LSAMP: variants seen among roughly 807,000 people sequenced by gnomAD.
LSAMP encodes the protein limbic system-associated membrane protein.
Under a neutral mutation model 38.6 loss-of-function variants are expected in LSAMP, and 7 were observed. The ratio of observed to expected loss-of-function variants is 0.18; its 90% CI spans 0.10 to 0.34. The LOEUF (loss-of-function observed/expected upper bound fraction) is 0.34. LSAMP is among the 10% of genes least tolerant of loss of function. LSAMP has a pLI of 1.00. For synonymous variants in LSAMP, 154 were observed against 166.8 expected (o/e 0.92, Z 0.59); for missense variants, 313 against 420.0 (o/e 0.75, Z 2.23).
intron 3 of LSAMP, among the ~76,000 whole-genome samples, chr3:115,890,407 T>C (rs1425239789): frequency 6.6e-6 from 1 of 151,954 alleles, no homozygotes; most frequent in African/African-American, 2.4e-5. Context: ...TTATCTCTAA[T>C]CTGTCTATTA....
chr3:115,924,382 T>C (rs1267576577), intron 3 of LSAMP, among the ~76,000 whole-genome samples: 1 of 152,198 alleles, frequency 6.6e-6, no homozygotes, highest in Non-Finnish European at 1.5e-5. Flanking sequence ...ATGTCTTTCA[T>C]TAAATTTTAC....
chr3:116,189,724 T>C (rs1213736465), intron 1 of LSAMP, among the ~76,000 whole-genome samples: 1 of 152,178 alleles, frequency 6.6e-6, no homozygotes, highest in Admixed American at 6.5e-5. Context: ...TTTTTAATAA[T>C]TGCAGAACCC....
intron 1 of LSAMP, among the ~76,000 whole-genome samples, chr3:116,288,966 C>G (rs1026707236): frequency 6.6e-6 from 1 of 152,062 alleles, no homozygotes; most frequent in Admixed American, 6.6e-5. Flanking sequence ...CTGTGCTTTC[C>G]CAGTTTTAAA....
intron 6 of LSAMP, among the ~76,000 whole-genome samples, chr3:115,815,849 T>G (rs564781206): frequency 1.3e-5 from 2 of 152,302 alleles, no homozygotes; most frequent in Non-Finnish European, 2.9e-5. Context: ...CCTGTTGCCT[T>G]CAGTGAGGAC....
At chr3:116,054,531 G>C (rs560578166) in intron 2 of LSAMP, among the ~76,000 whole-genome samples, 75 of 152,198 alleles carry the variant, frequency 4.9e-4, no homozygotes, top group Middle Eastern at 6.8e-3. Context: ...AGTGAAATTG[G>C]TCCTATTCAT....
chr3:116,412,069 G>A (rs1301403252), intron 1 of LSAMP, among the ~76,000 whole-genome samples: 2 of 152,146 alleles, frequency 1.3e-5, no homozygotes, highest in East Asian at 3.9e-4. Flanking sequence ...ACCTGTGGTA[G>A]TCCATTATAT....
intron 1 of LSAMP, among the ~76,000 whole-genome samples, chr3:116,197,087 TG>T (rs1443812149): frequency 6.6e-6 from 1 of 151,040 alleles, no homozygotes; most frequent in Non-Finnish European, 1.5e-5. Flanking sequence ...TCTGATAAAA[TG>T]GGGGTCCCCT....
intron 1 of LSAMP, among the ~76,000 whole-genome samples, chr3:116,422,987 T>C (rs934922776): frequency 1.3e-5 from 2 of 152,228 alleles, no homozygotes; most frequent in African/African-American, 4.8e-5. Flanking sequence ...TCAATCAGAA[T>C]GTAAGCCCCG....
At chr3:116,238,506 C>T (rs1305743363) in intron 1 of LSAMP, among the ~76,000 whole-genome samples, 1 of 152,192 alleles carries the variant, frequency 6.6e-6, no homozygotes. Context: ...GCAGACAGCA[C>T]ATTTTGAGTC....
At chr3:116,145,966 T>C (rs150049134) in intron 1 of LSAMP, among the ~76,000 whole-genome samples, 1 of 152,108 alleles carries the variant, frequency 6.6e-6, no homozygotes, top group Non-Finnish European at 1.5e-5. Flanking sequence ...GTATTTATAA[T>C]CTTTATTGCT....
chr3:116,147,594 T>C (rs977988952), intron 1 of LSAMP, among the ~76,000 whole-genome samples: 1 of 151,996 alleles, frequency 6.6e-6, no homozygotes, highest in African/African-American at 2.4e-5. Flanking sequence ...TTTCAAGAAT[T>C]GACAACAGGC....
rs575702249 is a variant in LSAMP, at chr3:116,294,593, T to C, written c.155+150284A>G. Among the ~76,000 whole-genome samples, 13 of 152,354 alleles carry C rather than the reference T, an allele frequency of 8.5e-5. 1 individual carries two copies. The South Asian group carries it at 2.7e-3, about 32-fold the overall frequency. On this transcript the variant is annotated intron_variant, in intron 1 of 6. Coordinates refer to ENST00000490035, the MANE Select transcript of LSAMP (RefSeq NM_002338.5). ...ACTATTCATACAAATTTCAGCATTA[T>C]AGTAATCAGTGTTTCCTATTGTGCC...
intron 2 of LSAMP, among the ~76,000 whole-genome samples, chr3:116,048,091 T>C (rs1941327301): frequency 6.6e-6 from 1 of 152,214 alleles, no homozygotes; most frequent in South Asian, 2.1e-4. Flanking sequence ...AGGCCCTTAC[T>C]AATAAATATC....
intron 3 of LSAMP, among the ~76,000 whole-genome samples, chr3:115,869,702 A>G (rs1935971582): frequency 1.3e-5 from 2 of 152,098 alleles, no homozygotes; most frequent in African/African-American, 4.8e-5. Context: ...ATCATTTTCA[A>G]GAGTCTTTAC....
intron 3 of LSAMP, among the ~76,000 whole-genome samples, chr3:116,007,348 T>C (rs1576302301): frequency 6.6e-6 from 1 of 152,194 alleles, no homozygotes; most frequent in Non-Finnish European, 1.5e-5. Context: ...TGGGGTAATT[T>C]TATTGGCATG....
chr3:116,387,756 A>G (rs2048643652), intron 1 of LSAMP, among the ~76,000 whole-genome samples: 1 of 152,164 alleles, frequency 6.6e-6, no homozygotes. Context: ...ATACATGCAT[A>G]TAGTTGTAGA....
chr3:115,957,323 CAG>C (rs2107587746), intron 3 of LSAMP, among the ~76,000 whole-genome samples: 1 of 152,318 alleles, frequency 6.6e-6, no homozygotes, highest in South Asian at 2.1e-4. Flanking sequence ...TGTTGAAAAA[CAG>C]AGCCTGTTTG....
chr3:116,266,024 T>C (rs1010626740), intron 1 of LSAMP, among the ~76,000 whole-genome samples: 1 of 152,212 alleles, frequency 6.6e-6, no homozygotes, highest in Admixed American at 6.5e-5. Context: ...TTGACTTTTT[T>C]TTAACAGAAG....
intron 3 of LSAMP, among the ~76,000 whole-genome samples, chr3:115,909,555 G>T (rs1937089886): frequency 6.6e-6 from 1 of 152,122 alleles, no homozygotes; most frequent in African/African-American, 2.4e-5. Flanking sequence ...ATCTTGGTTT[G>T]GGAACTCCTA....
Sources: allele counts gnomAD v4.1 joint callset (sites outside exome capture counted in the v4.1 genomes callset), GRCh38; gene constraint gnomAD v4.1.1; transcripts MANE v1.5; gene names NCBI Gene and HGNC (gene_info 2026-07-23, HGNC 2026-07-21).